The following PLEKHA5 variants were observed in gnomAD, a reference collection of about 807,000 sequenced individuals.
PLEKHA5 encodes pleckstrin homology domain-containing family A member 5.
A neutral mutation model predicts 181.9 loss-of-function variants in PLEKHA5; 55 were observed. That is an observed-to-expected ratio of 0.30 (90% confidence interval 0.24 to 0.38). The LOEUF (loss-of-function observed/expected upper bound fraction) is 0.38, where lower values mean the gene tolerates loss of function less well. Ranked by LOEUF, PLEKHA5 falls within the 10% of genes least tolerant of loss-of-function variation. PLEKHA5 has a pLI of 1.00. For synonymous variants in PLEKHA5, 535 were observed against 529.4 expected, an observed-to-expected ratio of 1.01 and a Z score of -0.15; for missense variants, 1,432 against 1,549.5, an observed-to-expected ratio of 0.92 and a Z score of 1.27.
Position 19,153,076 on chromosome 12 carries a change from T to G in PLEKHA5, c.227+20626T>G, listed in dbSNP as rs1163802171. 3 of 152,002 alleles carry G rather than the reference T, an allele frequency of 2.0e-5. No individual in the cohort carries two copies. In the East Asian group the frequency reaches 5.8e-4, roughly 29 times the overall value. 9.4% of individuals were successfully genotyped at this position (152,002 alleles called of 1,614,324 possible). On this transcript the variant is annotated intron_variant, in intron 3 of 31. Coordinates refer to ENST00000429027, the MANE Select transcript of PLEKHA5 (RefSeq NM_001256470.2). ...ATTCCAGTCCTTACATTTCTTTATA[T>G]TGCTGGCTAGTATTGCCAGTACAGT...
intron 3 of PLEKHA5, among the ~76,000 whole-genome samples, chr12:19,253,063 C>CTTTTTTTTTTTTTTTTTTTTTTTTTTTTT: frequency 1.9e-5 from 1 of 51,992 alleles, no homozygotes; most frequent in Non-Finnish European, 5.6e-5. Context: ...AATCAACTTA[C>CTTTTTTTTTTTTTTTTTTTTTTTTTTTTT]CTTTTTTTTT....
At chr12:19,366,177 G>A (rs1338303543) in intron 30 of PLEKHA5, 68 bp downstream of exon 30, 4 of 1,309,444 alleles carry the variant, frequency 3.1e-6, no homozygotes, top group Non-Finnish European at 4.3e-6. Flanking sequence ...TATTTTCCAT[G>A]GGGAGATTCT....
chr12:19,290,961 T>C (rs2078288648), intron 14 of PLEKHA5, among the ~76,000 whole-genome samples, 165 bp downstream of exon 14: 2 of 152,168 alleles, frequency 1.3e-5, no homozygotes, highest in African/African-American at 2.4e-5. Context: ...TCAACTTATT[T>C]ATACATTACT....
intron 3 of PLEKHA5, among the ~76,000 whole-genome samples, chr12:19,211,405 T>C (rs1430829503): frequency 1.3e-5 from 2 of 151,586 alleles, no homozygotes; most frequent in Non-Finnish European, 2.9e-5. Context: ...GAAGGGGAGG[T>C]GGGCAGAGGG....
At chr12:19,260,652 T>TA (rs1264083489) in intron 6 of PLEKHA5, among the ~76,000 whole-genome samples, 1 of 152,002 alleles carries the variant, frequency 6.6e-6, no homozygotes, top group Non-Finnish European at 1.5e-5. Flanking sequence ...AGTCAGGAGT[T>TA]AGAGACCAGC....
intron 15 of PLEKHA5, among the ~76,000 whole-genome samples, chr12:19,300,132 G>A (rs2081062896): frequency 6.6e-6 from 1 of 152,138 alleles, no homozygotes; most frequent in South Asian, 2.1e-4. Flanking sequence ...GCAGCATATG[G>A]ACCAATTAAC....
chr12:19,333,194 C>T (rs376950694), intron 20 of PLEKHA5, among the ~76,000 whole-genome samples: 221 of 152,004 alleles, frequency 1.5e-3, no homozygotes, highest in Middle Eastern at 3.4e-3. Flanking sequence ...CTGAGGCAGG[C>T]GAATCGCTTG....
At position 19,328,595 on chromosome 12, in the gene PLEKHA5, GTGTA is replaced by G. The variant is rs879279143; in HGVS notation, c.2448+5930_2448+5933del. On this transcript the variant is annotated intron_variant, in intron 20 of 31. Transcript: ENST00000429027. Reference sequence around the variant, plus strand: ...TGTGTGTGTGTGTGTGTGTGTGTGTGTGTATTGTAAATGGAATTGCATTCTTGAT... The same window carrying G: ...TGTGTGTGTGTGTGTGTGTGTGTGTGTTGTAAATGGAATTGCATTCTTGAT... 1.4e-3 allele frequency among the ~76,000 whole-genome samples: 193 copies of G among 136,964 alleles called. 1 individual carries two copies. Among genetic ancestry groups the G allele is most frequent in the South Asian group, 5.4e-3 (22 of 4,046 alleles). 89.9% of individuals were successfully genotyped at this position (136,964 alleles called of 152,430 possible).
chr12:19,314,137 A>G (rs2087631632), intron 15 of PLEKHA5, among the ~76,000 whole-genome samples: 1 of 152,134 alleles, frequency 6.6e-6, no homozygotes, highest in African/African-American at 2.4e-5. Flanking sequence ...AGAGGCAGTA[A>G]TTAAGTACAA....
chr12:19,327,643 T>C (rs2092356673), intron 20 of PLEKHA5, among the ~76,000 whole-genome samples: 1 of 140,700 alleles, frequency 7.1e-6, no homozygotes, highest in African/African-American at 2.5e-5. Context: ...TTTTCTTTTT[T>C]CTTTTTTTTT....
At chr12:19,217,113 G>A (rs1214340528) in intron 3 of PLEKHA5, among the ~76,000 whole-genome samples, 1 of 152,214 alleles carries the variant, frequency 6.6e-6, no homozygotes, top group African/African-American at 2.4e-5. Context: ...TCCCCATGTT[G>A]TAATTATGAT....
Position 19,269,361 on chromosome 12 carries a change from T to C in PLEKHA5, c.712-409T>C, listed in dbSNP as rs928117662. Among the ~76,000 whole-genome samples the C allele has an allele frequency of 8.2e-5, 11 of 134,368 alleles. No individual in the cohort carries two copies. In the East Asian group the frequency reaches 1.7e-3, roughly 21 times the overall value. The allele number at this position is 134,368 out of a possible 152,430, so 88.2% of individuals were successfully genotyped here. A position where few individuals can be genotyped will look rare whatever the true frequency, so the allele number is the denominator to read the frequency against. On this transcript the variant is annotated intron_variant, in intron 8 of 31. Coordinates refer to ENST00000429027, the MANE Select transcript of PLEKHA5 (RefSeq NM_001256470.2). Reference sequence around the variant, plus strand: ...AAGATTGCTCCACTGCACTCCAACCTGGGCAACAGAGTGAGACTCTGTCTC... The same window carrying C: ...AAGATTGCTCCACTGCACTCCAACCCGGGCAACAGAGTGAGACTCTGTCTC...
intron 3 of PLEKHA5, among the ~76,000 whole-genome samples, chr12:19,157,452 A>G (rs1349647266): frequency 3.3e-5 from 5 of 151,852 alleles, no homozygotes; most frequent in Non-Finnish European, 7.4e-5. Flanking sequence ...TAGAGATAAC[A>G]TACTGCATGC....
chr12:19,342,406 C>G lies in PLEKHA5; in HGVS notation c.2551-917C>G, dbSNP rs1347848527. 2.0e-5 allele frequency among the ~76,000 whole-genome samples: 3 copies of G among 151,974 alleles called. No individual in the cohort carries two copies. In the East Asian group the frequency reaches 5.8e-4, roughly 29 times the overall value. On this transcript the variant is annotated intron_variant, in intron 21 of 31. Coordinates refer to ENST00000429027, the MANE Select transcript of PLEKHA5 (RefSeq NM_001256470.2). ...GCGCGGTGGCTCACACCTGTAATCC[C>G]AGCACTTTGGGAGGCTGAGGAGAGC...
At chr12:19,347,724 G>A (rs2094406979) in intron 24 of PLEKHA5, among the ~76,000 whole-genome samples, 1 of 152,102 alleles carries the variant, frequency 6.6e-6, no homozygotes, top group Non-Finnish European at 1.5e-5. Context: ...GCTAATTTGA[G>A]AACAACAAAA....
At chr12:19,182,536 C>G (rs2048850745) in intron 3 of PLEKHA5, among the ~76,000 whole-genome samples, 1 of 152,178 alleles carries the variant, frequency 6.6e-6, no homozygotes, top group Non-Finnish European at 1.5e-5. Flanking sequence ...TTGAAATGTA[C>G]TTTTAATTTG....
intron 15 of PLEKHA5, among the ~76,000 whole-genome samples, chr12:19,300,615 T>C (rs930706045): frequency 2.6e-5 from 4 of 152,154 alleles, no homozygotes; most frequent in African/African-American, 9.7e-5. Context: ...ATGCCCACAA[T>C]GTAGAATTCT....
At chr12:19,261,767 G>A (rs1425036948) in intron 7 of PLEKHA5, among the ~76,000 whole-genome samples, 2 of 152,184 alleles carry the variant, frequency 1.3e-5, no homozygotes, top group Non-Finnish European at 2.9e-5. Flanking sequence ...TTCTCTAGAA[G>A]TATAGCTTAT....
intron 3 of PLEKHA5, among the ~76,000 whole-genome samples, chr12:19,198,126 C>T (rs1444437406): frequency 6.6e-6 from 1 of 152,146 alleles, no homozygotes; most frequent in Non-Finnish European, 1.5e-5. Context: ...ATCCATTCTC[C>T]ACACTAGCTA....
Sources: allele counts gnomAD v4.1 joint callset (sites outside exome capture counted in the v4.1 genomes callset), GRCh38; gene constraint gnomAD v4.1.1; transcripts MANE v1.5; gene names NCBI Gene and HGNC (gene_info 2026-07-23, HGNC 2026-07-21).